The following FHIT variants were observed in gnomAD, a reference collection of about 807,000 sequenced individuals.
The protein encoded by FHIT is fragile histidine triad diadenosine triphosphatase, also known as bis(5'-adenosyl)-triphosphatase.
A neutral mutation model predicts 17.9 loss-of-function variants in FHIT; 19 were observed. The ratio of observed to expected loss-of-function variants is 1.06; its 90% CI spans 0.74 to 1.56. FHIT has a LOEUF of 1.56. FHIT is among the 40% of genes most tolerant of loss of function. The probability of loss-of-function intolerance (pLI) is 0.00; values close to 1 mark genes in which losing one functional copy is unlikely to be tolerated. For synonymous variants in FHIT, 81 were observed against 69.7 expected (o/e 1.16, Z -0.81); for missense variants, 248 against 189.2 (o/e 1.31, Z -1.82).
At chr3:60,022,409 G>A (rs1700585051) in intron 5 of FHIT, among the ~76,000 whole-genome samples, 1 of 152,210 alleles carries the variant, frequency 6.6e-6, no homozygotes, top group African/African-American at 2.4e-5. Context: ...AAGGAATACA[G>A]GTCAAAGAGT....
At chr3:60,382,368 G>A (rs147705678) in intron 5 of FHIT, among the ~76,000 whole-genome samples, 4 of 152,232 alleles carry the variant, frequency 2.6e-5, no homozygotes, top group Non-Finnish European at 5.9e-5. Flanking sequence ...GTCTTTCCAC[G>A]TGCCATTTCA....
intron 4 of FHIT, among the ~76,000 whole-genome samples, chr3:60,607,355 C>T (rs1461106268): frequency 1.3e-5 from 2 of 151,690 alleles, no homozygotes; most frequent in Non-Finnish European, 2.9e-5. Context: ...GGGCCTCTTT[C>T]GAAGAGGGCA....
Position 60,536,867 on chromosome 3 carries a change from T to C in FHIT, c.96A>G (p.Val32=). Reference sequence around the variant, plus strand: ...AAAAAAAAGAAAGGATACGTCCTGGTACCACAGGTTTCCTATTCACAAGAG... The same window carrying C: ...AAAAAAAAGAAAGGATACGTCCTGGCACCACAGGTTTCCTATTCACAAGAG... ...SFALVNRKPV[V]PGHVLVCPLR... The change falls in exon 5 of 10, where the codon GTA becomes GTG. Residue 32 remains valine (V), a synonymous_variant. Transcript: ENST00000492590. 6.2e-7 allele frequency: 1 copy of C among 1,604,512 alleles called. No homozygotes were observed. Among genetic ancestry groups the C allele is most frequent in the Non-Finnish European group, 8.5e-7 (1 of 1,176,874 alleles).
intron 5 of FHIT, among the ~76,000 whole-genome samples, chr3:60,364,246 C>T (rs1700020981): frequency 6.6e-6 from 1 of 152,308 alleles, no homozygotes; most frequent in Middle Eastern, 3.4e-3. Flanking sequence ...TGTGTGTGTA[C>T]TCCATGCTGC....
chr3:60,930,190 C>T (rs1707869578), intron 3 of FHIT, among the ~76,000 whole-genome samples: 1 of 151,962 alleles, frequency 6.6e-6, no homozygotes, highest in African/African-American at 2.4e-5. Flanking sequence ...TGGATCCCTT[C>T]CTTATACCTT....
At chr3:59,808,855 C>T (rs1163735069) in intron 8 of FHIT, among the ~76,000 whole-genome samples, 1 of 152,188 alleles carries the variant, frequency 6.6e-6, no homozygotes, top group Non-Finnish European at 1.5e-5. Context: ...CTTCACACAA[C>T]ACACACTCAC....
At chr3:59,860,345 G>C (rs551106594) in intron 8 of FHIT, among the ~76,000 whole-genome samples, 6 of 152,266 alleles carry the variant, frequency 3.9e-5, no homozygotes, top group African/African-American at 1.4e-4. Flanking sequence ...AAGGAGAGAA[G>C]GGTGACCAGG....
At chr3:60,993,287 T>C (rs561905936) in intron 3 of FHIT, among the ~76,000 whole-genome samples, 89 of 152,362 alleles carry the variant, frequency 5.8e-4, no homozygotes, top group African/African-American at 2.1e-3. Flanking sequence ...TCTTCGTCTC[T>C]GGGTATTACA....
chr3:59,898,010 G>T (rs1292678133), intron 8 of FHIT, among the ~76,000 whole-genome samples: 2 of 151,996 alleles, frequency 1.3e-5, no homozygotes, highest in Admixed American at 6.6e-5. Flanking sequence ...CTTGTGATCT[G>T]CCCGCCTTGG....
intron 5 of FHIT, among the ~76,000 whole-genome samples, chr3:60,288,566 A>AGT (rs139336094): frequency 0.091 from 13,142 of 144,518 alleles, 619 homozygotes; most frequent in Middle Eastern, 0.12. Context: ...GTTCTGGCAC[A>AGT]GTGTGTGTGT....
chr3:60,109,202 C>T (rs964485134), intron 5 of FHIT, among the ~76,000 whole-genome samples: 5 of 152,098 alleles, frequency 3.3e-5, no homozygotes, highest in African/African-American at 4.8e-5. Flanking sequence ...AGTTTTTTCT[C>T]CCCCATCTCA....
At chr3:60,492,671 T>A (rs2034117395) in intron 5 of FHIT, among the ~76,000 whole-genome samples, 1 of 152,070 alleles carries the variant, frequency 6.6e-6, no homozygotes, top group Non-Finnish European at 1.5e-5. Flanking sequence ...CATGCCTGGC[T>A]AATTTTTGTA....
intron 4 of FHIT, among the ~76,000 whole-genome samples, chr3:60,649,471 C>G (rs1553687669): frequency 6.6e-6 from 1 of 152,170 alleles, no homozygotes; most frequent in Non-Finnish European, 1.5e-5. Flanking sequence ...TGCACACAAA[C>G]TAGAAGTCAT....
intron 4 of FHIT, among the ~76,000 whole-genome samples, chr3:60,666,708 A>G (rs1190910400): frequency 2.0e-5 from 3 of 152,084 alleles, no homozygotes; most frequent in Non-Finnish European, 4.4e-5. Context: ...TCCCTCTATC[A>G]CCCAGGCTGG....
chr3:60,937,567 C>CTCTT (rs1708244362), intron 3 of FHIT, among the ~76,000 whole-genome samples: 8 of 135,126 alleles, frequency 5.9e-5, no homozygotes, highest in Non-Finnish European at 6.1e-5. Flanking sequence ...CTTTTCTTTT[C>CTCTT]TTTTTTTTTT....
chr3:60,321,602 G>T (rs934122544), intron 5 of FHIT, among the ~76,000 whole-genome samples: 6 of 152,222 alleles, frequency 3.9e-5, no homozygotes, highest in African/African-American at 1.4e-4. Context: ...GAACTCCAAA[G>T]CCTGTAGGAG....
intron 5 of FHIT, among the ~76,000 whole-genome samples, chr3:60,314,256 TA>T (rs1156926749): frequency 6.6e-6 from 1 of 151,982 alleles, no homozygotes; most frequent in Non-Finnish European, 1.5e-5. Flanking sequence ...GGATTTCTTT[TA>T]AAAAAAATCA....
rs1338595570 is a variant in FHIT at position 59,932,650 on chromosome 3, G to A, written c.280-10236C>T. Among the ~76,000 whole-genome samples, 8 of 151,956 alleles carry A rather than the reference G, an allele frequency of 5.3e-5. No individual in the cohort carries two copies. In the East Asian group the frequency reaches 1.5e-3, roughly 29 times the overall value. On this transcript the variant is annotated intron_variant, in intron 7 of 9. Coordinates refer to ENST00000492590, the MANE Select transcript of FHIT (RefSeq NM_002012.4). ...TAATCACAATCAATTAAGAAAACAG[G>A]TGTTGAGAGAACTCCTCCCTTTTTT...
chr3:59,944,834 A>G (rs1006823904), intron 7 of FHIT, among the ~76,000 whole-genome samples: 2 of 152,096 alleles, frequency 1.3e-5, no homozygotes, highest in Non-Finnish European at 2.9e-5. Context: ...AGCTCCATAA[A>G]TGTTGCTGCA....
Sources: gnomAD v4.1 joint callset for allele counts (sites outside exome capture counted in the v4.1 genomes callset) on GRCh38, gnomAD v4.1.1 for gene constraint, MANE v1.5 for transcripts, NCBI Gene and HGNC (gene_info 2026-07-23, HGNC 2026-07-21) for gene names.